Variants in ST8SIA6 observed in about 807,000 individuals in gnomAD.
ST8SIA6 encodes alpha-2,8-sialyltransferase 8F.
ST8SIA6 carries 39 observed loss-of-function variants against 33.6 expected under a neutral mutation model. That is an observed-to-expected ratio of 1.16 (90% CI 0.90 to 1.52). ST8SIA6 has a LOEUF of 1.52. ST8SIA6 is among the 40% of genes most tolerant of loss of function. The probability of loss-of-function intolerance (pLI) is 0.00; values close to 1 mark genes in which losing one functional copy is unlikely to be tolerated. For synonymous variants in ST8SIA6, 172 were observed against 167.2 expected (o/e 1.03, Z -0.22); for missense variants, 441 against 443.8 (o/e 0.99, Z 0.06).
chr10:17,391,202 A>G lies in ST8SIA6; in HGVS notation c.201-582T>C, dbSNP rs1168081409. Reference sequence around the variant, plus strand: ...CAGGTTTTCATATTCTGAGGTTAGTATTTACAATGAACAAGTTATTTAATA... The same window carrying G: ...CAGGTTTTCATATTCTGAGGTTAGTGTTTACAATGAACAAGTTATTTAATA... On this transcript the variant is annotated intron_variant, in intron 2 of 7. Coordinates refer to ENST00000377602, the MANE Select transcript of ST8SIA6 (RefSeq NM_001004470.3). Among the ~76,000 whole-genome samples the G allele has an allele frequency of 2.0e-5, 3 of 151,900 alleles. No homozygotes were observed. The East Asian group carries it at 5.8e-4, about 29-fold the overall frequency.
rs993690776 is a variant in ST8SIA6 at position 17,319,386 on chromosome 10, C to T, written c.*1492G>A. On this transcript the variant is annotated 3_prime_UTR_variant, in exon 8 of 8. Transcript: ENST00000377602. ...TGTCTGTTTAGCCAAAGATTTTTGG[C>T]TAACGTGAATCTAGGTAGGATTGTT... Among the ~76,000 whole-genome samples, 5 of 152,118 alleles carry T rather than the reference C, an allele frequency of 3.3e-5. No homozygotes were observed. The highest frequency in any genetic ancestry group is 7.4e-5 in the Non-Finnish European group (5 of 68,018).
At chr10:17,423,752 T>C (rs1343587523) in intron 2 of ST8SIA6, among the ~76,000 whole-genome samples, 1 of 152,186 alleles carries the variant, frequency 6.6e-6, no homozygotes, top group Non-Finnish European at 1.5e-5. Flanking sequence ...TCCAGTGCAG[T>C]CAGGCATCCC....
intron 2 of ST8SIA6, among the ~76,000 whole-genome samples, chr10:17,424,577 C>T (rs895042813): frequency 6.6e-6 from 1 of 151,982 alleles, no homozygotes; most frequent in East Asian, 1.9e-4. Flanking sequence ...AAAGACAAAC[C>T]GTATTTTCAT....
At position 17,331,568 on chromosome 10, in the gene ST8SIA6, A is replaced by C. The variant is rs1848300696; in HGVS notation, c.378-16T>G. ...AAGTTTGGCTCTGCAAAGGAAAAGG[A>C]TGAAAAGGAAGCCAAAGTATAAGAT... On this transcript the variant is annotated splice_polypyrimidine_tract_variant and intron_variant, in intron 4 of 7. Transcript: ENST00000377602. 1 of 1,593,316 alleles carries C rather than the reference A, an allele frequency of 6.3e-7. No homozygotes were observed. The highest frequency in any genetic ancestry group is 8.5e-7 in the Non-Finnish European group (1 of 1,173,528).
At chr10:17,401,485 C>A (rs1056013722) in intron 2 of ST8SIA6, among the ~76,000 whole-genome samples, 2 of 152,102 alleles carry the variant, frequency 1.3e-5, no homozygotes, top group African/African-American at 4.8e-5. Flanking sequence ...CAATCCTAAG[C>A]CAAAAGAACA....
chr10:17,342,672 TG>T (rs1848715753), intron 4 of ST8SIA6, among the ~76,000 whole-genome samples: 1 of 152,116 alleles, frequency 6.6e-6, no homozygotes, highest in Non-Finnish European at 1.5e-5. Context: ...AAGAACAGCC[TG>T]GGCACAGTGG....
intron 2 of ST8SIA6, among the ~76,000 whole-genome samples, chr10:17,446,231 C>CA (rs201660752): frequency 0.039 from 5,979 of 151,716 alleles, 170 homozygotes; most frequent in South Asian, 0.057. Flanking sequence ...CGAAAACAAA[C>CA]AAAAAAAATC....
At chr10:17,345,755 C>T (rs1324009468) in intron 4 of ST8SIA6, among the ~76,000 whole-genome samples, 2 of 152,084 alleles carry the variant, frequency 1.3e-5, no homozygotes, top group African/African-American at 4.8e-5. Context: ...ATGGAAGTGA[C>T]ACATGGGATA....
intron 4 of ST8SIA6, among the ~76,000 whole-genome samples, chr10:17,333,398 T>C (rs1198656087): frequency 1.3e-5 from 2 of 151,806 alleles, no homozygotes; most frequent in Non-Finnish European, 2.9e-5. Context: ...CTACTTTAAA[T>C]TTCATATGGA....
At chr10:17,415,362 A>G (rs77460001) in intron 2 of ST8SIA6, among the ~76,000 whole-genome samples, 86 of 152,268 alleles carry the variant, frequency 5.6e-4, no homozygotes, top group African/African-American at 1.9e-3. Flanking sequence ...ATCATTGTCA[A>G]TCGCTTCCCC....
intron 2 of ST8SIA6, chr10:17,410,586 T>A: frequency 6.6e-6 from 1 of 152,212 alleles, no homozygotes; most frequent in East Asian, 1.9e-4. Context: ...TATGACTTCC[T>A]CATCTATTAG....
rs1847947542 is a variant in ST8SIA6, at chr10:17,321,470, CAGAT to C, written c.729-128_729-125del. The C allele has an allele frequency of 1.3e-4, 98 of 755,698 alleles. 1 individual carries two copies. The South Asian group carries it at 2.0e-3, about 15-fold the overall frequency. 46.8% of individuals were successfully genotyped at this position (755,698 alleles called of 1,614,324 possible). On this transcript the variant is annotated intron_variant, in intron 7 of 7. Coordinates refer to ENST00000377602, the MANE Select transcript of ST8SIA6 (RefSeq NM_001004470.3). Reference sequence around the variant, plus strand: ...AACGATTTGTATACTGTATATAAAACAGATAAAGTGTGGACTCAGAGAAAACTCA... The same window carrying C: ...AACGATTTGTATACTGTATATAAAACAAAGTGTGGACTCAGAGAAAACTCA...
At chr10:17,402,144 A>G (rs902064979) in intron 2 of ST8SIA6, among the ~76,000 whole-genome samples, 1 of 152,244 alleles carries the variant, frequency 6.6e-6, no homozygotes, top group Non-Finnish European at 1.5e-5. Flanking sequence ...TTCTCAAAAG[A>G]AGACATTTAT....
At chr10:17,370,185 A>AT (rs1379468814) in intron 3 of ST8SIA6, among the ~76,000 whole-genome samples, 1 of 151,938 alleles carries the variant, frequency 6.6e-6, no homozygotes, top group Non-Finnish European at 1.5e-5. Flanking sequence ...GGGTTTCACC[A>AT]TGTTAGCCAG....
intron 3 of ST8SIA6, among the ~76,000 whole-genome samples, chr10:17,361,523 C>A (rs921063237): frequency 2.1e-5 from 3 of 144,150 alleles, no homozygotes; most frequent in South Asian, 4.3e-4. Flanking sequence ...ACAAAACACA[C>A]ACACACACAC....
chr10:17,351,111 C>A (rs1370758689), intron 4 of ST8SIA6, among the ~76,000 whole-genome samples: 1 of 152,068 alleles, frequency 6.6e-6, no homozygotes, highest in Non-Finnish European at 1.5e-5. Flanking sequence ...CCCACCCCAG[C>A]ATCTCTCTTC....
intron 3 of ST8SIA6, among the ~76,000 whole-genome samples, chr10:17,382,867 G>A (rs1318779382): frequency 6.6e-6 from 1 of 152,198 alleles, no homozygotes; most frequent in East Asian, 1.9e-4. Flanking sequence ...AACCATTAGT[G>A]TCAAAGGCAC....
intron 2 of ST8SIA6, among the ~76,000 whole-genome samples, chr10:17,422,252 G>A (rs923684989): frequency 2.0e-5 from 3 of 152,084 alleles, no homozygotes; most frequent in Non-Finnish European, 4.4e-5. Context: ...AGAGTCAACT[G>A]TTCTAAAACG....
At chr10:17,437,137 TTCTC>T (rs146561377) in intron 2 of ST8SIA6, among the ~76,000 whole-genome samples, 1 of 149,832 alleles carries the variant, frequency 6.7e-6, no homozygotes, top group African/African-American at 2.4e-5. Flanking sequence ...ACAGATTCAT[TTCTC>T]TCTCTCTCTC....
Sources: allele counts gnomAD v4.1 joint callset (sites outside exome capture counted in the v4.1 genomes callset), GRCh38; gene constraint gnomAD v4.1.1; transcripts MANE v1.5; gene names NCBI Gene and HGNC (gene_info 2026-07-23, HGNC 2026-07-21).